FOXO3: variants seen among roughly 807,000 people sequenced by gnomAD.
The protein encoded by FOXO3 is forkhead box protein O3.
Under a neutral mutation model 41.9 loss-of-function variants are expected in FOXO3, and 4 were observed. That is an observed-to-expected ratio of 0.10 (90% CI 0.05 to 0.22). The LOEUF (loss-of-function observed/expected upper bound fraction) is 0.22. FOXO3 is among the 10% of genes least tolerant of loss of function. The pLI, the probability that FOXO3 is intolerant of heterozygous loss-of-function variation, is 1.00. For missense variants in FOXO3, 534 were observed against 906.8 expected, an observed-to-expected ratio of 0.59 and a Z score of 5.28; for synonymous variants, 318 against 389.3, an observed-to-expected ratio of 0.82 and a Z score of 2.16.
At chr6:108,597,374 T>C (rs951663561) in intron 1 of FOXO3, among the ~76,000 whole-genome samples, 7 of 152,216 alleles carry the variant, frequency 4.6e-5, no homozygotes, top group African/African-American at 1.7e-4. Flanking sequence ...AAGAAATTGC[T>C]TATGATTCTG....
chr6:108,597,261 A>G (rs1776912169), intron 1 of FOXO3, among the ~76,000 whole-genome samples: 2 of 152,192 alleles, frequency 1.3e-5, no homozygotes, highest in South Asian at 2.1e-4. Context: ...CCCTTGAGCC[A>G]TTAGAAACAG....
At chr6:108,661,762 T>A (rs990784715) in intron 1 of FOXO3, among the ~76,000 whole-genome samples, 1 of 152,236 alleles carries the variant, frequency 6.6e-6, no homozygotes, top group African/African-American at 2.4e-5. Context: ...TAGGACTGAA[T>A]CTGGGTCATC....
intron 2 of FOXO3, among the ~76,000 whole-genome samples, chr6:108,673,337 C>T (rs1440518445): frequency 6.6e-6 from 1 of 152,226 alleles, no homozygotes; most frequent in South Asian, 2.1e-4. Flanking sequence ...GGGCCACACA[C>T]GCAGATTCCC....
chr6:108,562,112 A>G (rs1435423879), intron 1 of FOXO3, among the ~76,000 whole-genome samples: 1 of 151,808 alleles, frequency 6.6e-6, no homozygotes, highest in Non-Finnish European at 1.5e-5. Flanking sequence ...ACAGGAGTAC[A>G]TTTGCTGGAT....
intron 1 of FOXO3, among the ~76,000 whole-genome samples, chr6:108,606,897 A>G (rs1288936689): frequency 6.6e-6 from 1 of 152,156 alleles, no homozygotes; most frequent in Non-Finnish European, 1.5e-5. Context: ...GATGCAGAGT[A>G]AGTTGAAGAA....
intron 1 of FOXO3, among the ~76,000 whole-genome samples, chr6:108,574,485 A>G (rs1047357465): frequency 6.6e-6 from 1 of 152,152 alleles, no homozygotes; most frequent in Non-Finnish European, 1.5e-5. Context: ...GATTTCAGGA[A>G]AAAAAAACAT....
At chr6:108,561,976 CTT>C in intron 1 of FOXO3, 147 bp downstream of exon 1, 1 of 1,278,778 alleles carries the variant, frequency 7.8e-7, no homozygotes, top group Non-Finnish European at 1.0e-6. Flanking sequence ...TGGGGGTTAT[CTT>C]TGATCCCCGG....
intron 1 of FOXO3, among the ~76,000 whole-genome samples, chr6:108,605,294 T>A (rs894635832): frequency 2.6e-5 from 4 of 152,074 alleles, no homozygotes; most frequent in Non-Finnish European, 5.9e-5. Context: ...AATTTTTGTA[T>A]GTTTAGTAGA....
chr6:108,648,364 C>T (rs541999882), intron 1 of FOXO3, among the ~76,000 whole-genome samples: 35 of 152,244 alleles, frequency 2.3e-4, no homozygotes, highest in Admixed American at 6.5e-4. Flanking sequence ...ACAAGCAAAC[C>T]GCAACATTGA....
At chr6:108,568,635 T>C (rs1173493655) in intron 1 of FOXO3, among the ~76,000 whole-genome samples, 1 of 152,228 alleles carries the variant, frequency 6.6e-6, no homozygotes, top group East Asian at 1.9e-4. Context: ...TCAACCCATA[T>C]GGATAGCCTT....
At chr6:108,670,506 T>C (rs963311686) in intron 2 of FOXO3, among the ~76,000 whole-genome samples, 1 of 151,126 alleles carries the variant, frequency 6.6e-6, no homozygotes, top group African/African-American at 2.4e-5. Context: ...GATTCTGTGG[T>C]CAAATAAGTT....
intron 1 of FOXO3, among the ~76,000 whole-genome samples, chr6:108,590,348 C>T (rs983403970): frequency 2.0e-5 from 3 of 152,092 alleles, no homozygotes; most frequent in Admixed American, 6.5e-5. Context: ...ATTTGAAATC[C>T]AAAATGCTCC....
chr6:108,607,652 G>A (rs1009045355), intron 1 of FOXO3, among the ~76,000 whole-genome samples: 1 of 152,104 alleles, frequency 6.6e-6, no homozygotes, highest in African/African-American at 2.4e-5. Context: ...AAAGTCTGAG[G>A]GAGTCCCTGT....
chr6:108,587,735 T>A (rs1776621799), intron 1 of FOXO3, among the ~76,000 whole-genome samples: 1 of 152,234 alleles, frequency 6.6e-6, no homozygotes, highest in African/African-American at 2.4e-5. Context: ...AAATGTTTAA[T>A]TTTTCTCACA....
chr6:108,656,357 C>A (rs539542160), intron 1 of FOXO3: 3 of 985,132 alleles, frequency 3.0e-6, no homozygotes, highest in Non-Finnish European at 3.6e-6. Flanking sequence ...AGTGGACAGT[C>A]TCCACAAGGT....
chr6:108,668,953 T>C (rs560854912), intron 2 of FOXO3, among the ~76,000 whole-genome samples: 1 of 151,884 alleles, frequency 6.6e-6, no homozygotes, highest in East Asian at 1.9e-4. Context: ...CTACTAAAAA[T>C]ACAAAAAAAT....
chr6:108,560,127 C>T (rs911643289), upstream of FOXO3: 4 of 152,420 alleles, frequency 2.6e-5, no homozygotes, highest in Non-Finnish European at 5.9e-5. Flanking sequence ...TGTGCGCGCC[C>T]CCCTTCTCGC....
intron 1 of FOXO3, among the ~76,000 whole-genome samples, chr6:108,627,287 G>C (rs1329765270): frequency 2.0e-5 from 3 of 152,096 alleles, no homozygotes; most frequent in Non-Finnish European, 4.4e-5. Context: ...GTGGAACTGA[G>C]AGTGAGAAGC....
At chr6:108,623,016 TGGGAGAGCAAG>T (rs1222829550) in intron 1 of FOXO3, among the ~76,000 whole-genome samples, 1 of 150,626 alleles carries the variant, frequency 6.6e-6, no homozygotes, top group African/African-American at 2.4e-5. Context: ...TCCAGGACAG[TGGGAGAGCAAG>T]GATGGACCCT....
Sources: allele counts gnomAD v4.1 joint callset (sites outside exome capture counted in the v4.1 genomes callset), GRCh38; gene constraint gnomAD v4.1.1; transcripts MANE v1.5; gene names NCBI Gene and HGNC (gene_info 2026-07-23, HGNC 2026-07-21).